Variants in KIF21B observed in about 807,000 individuals in gnomAD.
KIF21B encodes kinesin-like protein KIF21B.
Under a neutral mutation model 192.9 loss-of-function variants are expected in KIF21B, and 85 were observed. The observed-to-expected ratio is 0.44, with a 90% confidence interval of 0.37 to 0.53. KIF21B has a LOEUF of 0.53. Among genes scored for constraint, KIF21B ranks in the 20% least tolerant of loss-of-function variants. The probability of loss-of-function intolerance (pLI) is 0.00; values close to 1 mark genes in which losing one functional copy is unlikely to be tolerated. For missense variants in KIF21B, 1,716 were observed against 2,194.8 expected (o/e 0.78, Z 4.36); for synonymous variants, 832 against 884.6 (o/e 0.94, Z 1.05).
chr1:200,990,552 A>G lies in KIF21B; in HGVS notation c.2835+24T>C. On this transcript the variant is annotated intron_variant, in intron 19 of 34. Coordinates refer to ENST00000461742, the MANE Select transcript of KIF21B (RefSeq NM_001252102.2). This position sits in a 1 kb window ranked among gnomAD's most constrained non-coding sequence, Gnocchi z 5.4. ...AGGACAGGCAGAGGGGTGGAATGGA[A>G]GAGAAGGGGGAGGCAGGGCTCACCT... 1 of 1,610,220 alleles carries G rather than the reference A, an allele frequency of 6.2e-7. No homozygotes were observed. Among genetic ancestry groups the G allele is most frequent in the Non-Finnish European group, 8.5e-7 (1 of 1,177,686 alleles).
chr1:201,014,569 G>A (rs1336307471), intron 1 of KIF21B, among the ~76,000 whole-genome samples: 2 of 152,234 alleles, frequency 1.3e-5, no homozygotes, highest in African/African-American at 4.8e-5. Flanking sequence ...AGGAGGGGGA[G>A]GATGGCCCTA....
chr1:200,987,256 G>A (rs1656369104), intron 24 of KIF21B, 55 bp from the exon 25 acceptor site: 12 of 1,478,604 alleles, frequency 8.1e-6, no homozygotes, highest in Non-Finnish European at 9.2e-6. Context: ...GGCACATAAA[G>A]GGGAGCCAGG....
At position 200,999,526 on chromosome 1, in the gene KIF21B, G is replaced by A; in HGVS notation, c.1768-60C>T. The A allele has an allele frequency of 1.3e-6, 2 of 1,584,582 alleles. No individual in the cohort carries two copies. The highest frequency in any genetic ancestry group is 1.7e-6 in the Non-Finnish European group (2 of 1,165,448). ...TCAGAGAGGGGAGCCCAGAAGCAGA[G>A]GTGCATCCCGACACAATGCCTCAGG... On this transcript the variant is annotated intron_variant, in intron 12 of 34. Coordinates refer to ENST00000461742, the MANE Select transcript of KIF21B (RefSeq NM_001252102.2). The surrounding 1 kb of genome is among the most constrained non-coding windows in gnomAD (Gnocchi z 4.7).
chr1:200,992,476 T>C (rs529586892), intron 15 of KIF21B, 87 bp from the exon 16 acceptor site: 5 of 1,372,260 alleles, frequency 3.6e-6, no homozygotes, highest in Non-Finnish European at 5.1e-6. Flanking sequence ...TCTGAGGGCA[T>C]GGGGCAGGGA....
intron 28 of KIF21B, 102 bp from the exon 29 acceptor site, chr1:200,981,198 A>G: frequency 7.9e-7 from 1 of 1,264,432 alleles, no homozygotes; most frequent in Non-Finnish European, 1.1e-6. Context: ...CAGGGAGGGG[A>G]TGAGGACCAA....
intron 3 of KIF21B, among the ~76,000 whole-genome samples, chr1:201,008,267 G>C (rs1383516505): frequency 1.3e-5 from 2 of 152,210 alleles, no homozygotes; most frequent in Admixed American, 6.5e-5. Flanking sequence ...TGCACAGAAA[G>C]ACCTTTCCTA....
rs534826494 is a variant in KIF21B at position 200,977,908 on chromosome 1, A to AT, written c.4161-533dup. Among the ~76,000 whole-genome samples the AT allele has an allele frequency of 6.0e-5, 9 of 150,594 alleles. No individual in the cohort carries two copies. The East Asian group carries it at 1.8e-3, about 29-fold the overall frequency. ...CGCCACCATCCCAAGCTGATTTTGT[A>AT]TTTTTAGTAGAGACGGGGTTTCTTC... On this transcript the variant is annotated intron_variant, in intron 30 of 34. Coordinates refer to ENST00000461742, the MANE Select transcript of KIF21B (RefSeq NM_001252102.2).
At chr1:201,015,278 G>A (rs991294004) in intron 1 of KIF21B, among the ~76,000 whole-genome samples, 6 of 152,230 alleles carry the variant, frequency 3.9e-5, no homozygotes, top group East Asian at 3.9e-4. Flanking sequence ...TGCACTTTAG[G>A]GATTTTAGGC....
chr1:201,002,114 T>A, intron 9 of KIF21B, 47 bp downstream of exon 9: 1 of 1,566,326 alleles, frequency 6.4e-7, no homozygotes, highest in South Asian at 1.1e-5. Context: ...GGGGAGGGAG[T>A]CCTAGCCCGT....
chr1:200,984,734 G>C (rs996869990), intron 27 of KIF21B, 125 bp downstream of exon 27: 1 of 603,996 alleles, frequency 1.7e-6, no homozygotes, highest in Non-Finnish European at 2.8e-6. Flanking sequence ...CTCAGCTCTT[G>C]GAGGGGCTGG....
rs182889925 is a variant in KIF21B at position 200,999,853 on chromosome 1, T to C, written c.1767+30A>G. Reference sequence around the variant, plus strand: ...CCAGCAGGGACACAAGGCATGCATGTGGTGAGGTGGGGCGGCCCGTGCTCC... The same window carrying C: ...CCAGCAGGGACACAAGGCATGCATGCGGTGAGGTGGGGCGGCCCGTGCTCC... On this transcript the variant is annotated intron_variant, in intron 12 of 34. Transcript: ENST00000461742. The surrounding 1 kb of genome is among the most constrained non-coding windows in gnomAD (Gnocchi z 4.7). 205 of 1,609,474 alleles carry C rather than the reference T, an allele frequency of 1.3e-4. No individual in the cohort carries two copies. In the East Asian group the frequency reaches 4.5e-3, roughly 35 times the overall value.
chr1:200,988,853 A>T lies in KIF21B; in HGVS notation c.3211T>A (p.Ser1071Thr), dbSNP rs750475944. The T allele has an allele frequency of 6.2e-7, 1 of 1,611,870 alleles. No homozygotes were observed. Among genetic ancestry groups the T allele is most frequent in the Non-Finnish European group, 8.5e-7 (1 of 1,179,310 alleles). The change falls in exon 22 of 35, where the codon TCC becomes ACC. Residue 1071 changes from serine (S) to threonine (T), a missense_variant. Coordinates refer to ENST00000461742, the MANE Select transcript of KIF21B (RefSeq NM_001252102.2). ...GCGTCCAGGAGCAGATGGTTCTGGG[A>T]GGAGCCTGCCATATCCGTCTGCCTC... ...RLRQTDMAGS[S>T]QNHLLLDALR...
intron 29 of KIF21B, among the ~76,000 whole-genome samples, chr1:200,980,460 G>A (rs141869286): frequency 3.3e-5 from 5 of 152,312 alleles, no homozygotes; most frequent in Non-Finnish European, 5.9e-5. Context: ...ATTTGCCCAC[G>A]CAGGTAGTCT....
chr1:201,003,621 C>T lies in KIF21B; in HGVS notation c.1177G>A (p.Ala393Thr). 6.2e-7 allele frequency: 1 copy of T among 1,614,138 alleles called. No individual in the cohort carries two copies. The highest frequency in any genetic ancestry group is 2.2e-5 in the East Asian group (1 of 44,890). The change falls in exon 8 of 35, where the codon GCT becomes ACT. Residue 393 changes from alanine (A) to threonine (T), a missense_variant. Coordinates refer to ENST00000461742, the MANE Select transcript of KIF21B (RefSeq NM_001252102.2). Reference sequence around the variant, plus strand: ...TCCATCAGCTCCATCTGCAGCCGAGCAATCTCAGCCCGCAGTGCACTGATT... The same window carrying T: ...TCCATCAGCTCCATCTGCAGCCGAGTAATCTCAGCCCGCAGTGCACTGATT... The part of the protein sequence containing the change: ...QQISALRAEI[A>T]RLQMELMEYK...
chr1:200,988,200 G>T, intron 24 of KIF21B, 96 bp downstream of exon 24: 1 of 1,222,954 alleles, frequency 8.2e-7, no homozygotes, highest in Non-Finnish European at 1.2e-6. Flanking sequence ...ACATTGTGTT[G>T]TGGCTGAGGG....
chr1:200,975,372 T>G lies in KIF21B; in HGVS notation c.4614+127A>C. ...GGAGGAAGAGGGAGAACAGGAGGGC[T>G]TGGGGAGCTGTGAAAACCATCTGGC... On this transcript the variant is annotated intron_variant, in intron 33 of 34. Transcript: ENST00000461742. The surrounding 1 kb of genome is among the most constrained non-coding windows in gnomAD (Gnocchi z 4.3). 1.3e-6 allele frequency: 1 copy of G among 785,914 alleles called. No homozygotes were observed. Among genetic ancestry groups the G allele is most frequent in the East Asian group, 2.6e-5 (1 of 38,060 alleles). The allele number at this position is 785,914 out of a possible 1,614,324, so 48.7% of individuals were successfully genotyped here.
At chr1:200,983,603 G>T (rs759900593) in intron 27 of KIF21B, among the ~76,000 whole-genome samples, 3 of 152,216 alleles carry the variant, frequency 2.0e-5, no homozygotes, top group African/African-American at 2.4e-5. Context: ...CACTGGGACA[G>T]TGCCTAGAAG....
intron 15 of KIF21B, among the ~76,000 whole-genome samples, chr1:200,995,959 T>G (rs1447784176): frequency 1.3e-5 from 2 of 152,118 alleles, no homozygotes; most frequent in South Asian, 4.1e-4. Context: ...ACGACCCCTG[T>G]GCACCCCAGC....
intron 1 of KIF21B, among the ~76,000 whole-genome samples, chr1:201,016,916 C>G (rs903437020): frequency 6.6e-6 from 1 of 152,206 alleles, no homozygotes; most frequent in African/African-American, 2.4e-5. Flanking sequence ...TGTCAATTCT[C>G]TCTGCCTGAT....
Sources: gnomAD v4.1 joint callset for allele counts (sites outside exome capture counted in the v4.1 genomes callset) on GRCh38, gnomAD v4.1.1 for gene constraint, Gnocchi (gnomAD v3.1) non-coding constraint, MANE v1.5 for transcripts, NCBI Gene and HGNC (gene_info 2026-07-23, HGNC 2026-07-21) for gene names.